The following UQCRC2 variants were observed in gnomAD, a reference collection of about 807,000 sequenced individuals.
UQCRC2 encodes the protein ubiquinol-cytochrome c reductase core protein 2, also known as cytochrome b-c1 complex subunit 2, mitochondrial.
In UQCRC2, 49 loss-of-function variants were observed where a neutral mutation model predicts 55.6. The ratio of observed to expected loss-of-function variants is 0.88; its 90% confidence interval spans 0.70 to 1.12. The LOEUF is 1.12. Among genes scored for constraint, UQCRC2 ranks in the 50% most tolerant of loss-of-function variants. The pLI is 0.00. For missense variants in UQCRC2, 506 were observed against 547.8 expected, an observed-to-expected ratio of 0.92 and a Z score of 0.76; for synonymous variants, 193 against 192.0, an observed-to-expected ratio of 1.01 and a Z score of -0.04.
rs67999727 is a variant in UQCRC2 at position 21,961,626 on chromosome 16, TTATATATATATATATATATATATATATA to T, written c.333-818_333-791del. On this transcript the variant is annotated intron_variant, in intron 4 of 13. Transcript: ENST00000268379. ...TGGTCAAATGTATATAACATAAAAT[TTATATATATATATATATATATATATATA>T]TATATATATATATATTTTAGACAGT... 9.3e-4 allele frequency among the ~76,000 whole-genome samples: 60 copies of T among 64,482 alleles called. 1 individual carries two copies. The highest frequency in any genetic ancestry group is 1.8e-3 in the Non-Finnish European group (42 of 23,516). 42.3% of individuals were successfully genotyped at this position (64,482 alleles called of 152,430 possible). A position where few individuals can be genotyped will look rare whatever the true frequency, so the allele number is the denominator to read the frequency against.
At chr16:21,976,092 A>T (rs1898578050) in intron 11 of UQCRC2, 75 bp from the exon 12 acceptor site, 2 of 988,504 alleles carry the variant, frequency 2.0e-6, no homozygotes, top group Non-Finnish European at 3.2e-6. Context: ...TTTTTGCCTC[A>T]GTAAAGAAGT....
chr16:21,953,579 C>T (rs921974299), intron 1 of UQCRC2, 123 bp downstream of exon 1: 1 of 1,291,442 alleles, frequency 7.7e-7, no homozygotes, highest in African/African-American at 1.5e-5. Context: ...CAGCTGAACC[C>T]TGCGGGCCAA....
chr16:21,971,661 C>T (rs573485610), intron 9 of UQCRC2, 41 bp downstream of exon 9: 11 of 1,582,336 alleles, frequency 7.0e-6, no homozygotes, highest in African/African-American at 2.7e-5. Context: ...ATCAGAAGGG[C>T]GTTTCCCCAC....
At position 21,958,635 on chromosome 16, in the gene UQCRC2, C is replaced by T. The variant is rs146172462; in HGVS notation, c.332+36C>T. On this transcript the variant is annotated intron_variant, in intron 4 of 13. Coordinates refer to ENST00000268379, the MANE Select transcript of UQCRC2 (RefSeq NM_003366.4). The stretch of plus-strand genomic sequence containing the variant: ...TAAGTAATAGAAAATAGTGAAAATG[C>T]CAGAAAATATTCAATTTTAAGGGAA... 2.1e-4 allele frequency: 322 copies of T among 1,561,304 alleles called. 1 individual carries two copies. In the African/African-American group the frequency reaches 3.8e-3, roughly 19 times the overall value.
chr16:21,958,430 G>A, intron 3 of UQCRC2, 105 bp from the exon 4 acceptor site: 1 of 999,734 alleles, frequency 1.0e-6, no homozygotes, highest in Non-Finnish European at 1.5e-6. Context: ...CAGGAATTTA[G>A]TAAAATTCTT....
At chr16:21,965,972 T>C (rs1898315801) in intron 7 of UQCRC2, among the ~76,000 whole-genome samples, 2 of 152,044 alleles carry the variant, frequency 1.3e-5, no homozygotes, top group South Asian at 4.1e-4. Flanking sequence ...GCATGAGCCA[T>C]TGCACCCAGC....
In UQCRC2 at chr16:21,957,564, C is replaced by T. The variant is rs1390774035; in HGVS notation, c.265C>T (p.Leu89=). ...TTHLLRLTSS[L]TTKGASSFKI... is the part of the protein sequence containing the mutation. ...CCATTTGCTGCGTCTTACATCCAGTCTGGTGAGTATCTTCACTTCCTCAAG... is the reference window on the plus strand; with the variant it reads ...CCATTTGCTGCGTCTTACATCCAGTTTGGTGAGTATCTTCACTTCCTCAAG... The change falls in exon 3 of 14, where the codon CTG becomes TTG. Residue 89 remains leucine (L), a splice_region_variant and synonymous_variant. Coordinates refer to ENST00000268379, the MANE Select transcript of UQCRC2 (RefSeq NM_003366.4). 1.2e-6 allele frequency: 2 copies of T among 1,613,960 alleles called. No individual in the cohort carries two copies. Among genetic ancestry groups the T allele is most frequent in the Admixed American group, 3.3e-5 (2 of 59,984 alleles).
At position 21,980,744 on chromosome 16, in the gene UQCRC2, C is replaced by A. The variant is rs373906900; in HGVS notation, c.1278+44C>A. On this transcript the variant is annotated intron_variant, in intron 13 of 13. Coordinates refer to ENST00000268379, the MANE Select transcript of UQCRC2 (RefSeq NM_003366.4). ...AACGATTTAACAACAGAGAACTTAACCTTAATGATCCAATTTCAGAAGGAT... is the reference window on the plus strand; with the variant it reads ...AACGATTTAACAACAGAGAACTTAAACTTAATGATCCAATTTCAGAAGGAT... The A allele has an allele frequency of 3.8e-4, 602 of 1,601,888 alleles. 6 individuals carry two copies. In the Middle Eastern group the frequency reaches 6.4e-3, roughly 17 times the overall value.
intron 4 of UQCRC2, chr16:21,959,364 C>T: frequency 3.6e-6 from 1 of 276,194 alleles, no homozygotes; most frequent in Non-Finnish European, 7.4e-6. Flanking sequence ...CAACCAGGAG[C>T]AGATTCTATC....
At chr16:21,980,788 A>T in intron 13 of UQCRC2, 88 bp downstream of exon 13, 1 of 1,499,162 alleles carries the variant, frequency 6.7e-7, no homozygotes, top group Middle Eastern at 2.2e-4. Flanking sequence ...GTCCTTGGGC[A>T]GTGTATTATT....
At chr16:21,979,284 C>A (rs1244933342) in intron 12 of UQCRC2, among the ~76,000 whole-genome samples, 1 of 152,146 alleles carries the variant, frequency 6.6e-6, no homozygotes, top group Non-Finnish European at 1.5e-5. Context: ...CCCCAACTTG[C>A]CATGGATCAA....
Position 21,962,811 on chromosome 16 carries a change from G to A in UQCRC2, c.440G>A (p.Arg147His), listed in dbSNP as rs140449590. 99 of 1,613,890 alleles carry A rather than the reference G, an allele frequency of 6.1e-5. 1 individual carries two copies. The highest frequency in any genetic ancestry group is 7.5e-5 in the Non-Finnish European group (89 of 1,180,008). ...AATGTCACCACAGCACCAGAATTTC[G>A]TCGTTGGGAAGTAGCTGACCTTCAG... ...LLNVTTAPEF[R>H]RWEVADLQPQ... The change falls in exon 6 of 14, where the codon CGT becomes CAT. Residue 147 changes from arginine to histidine, a missense_variant. By Grantham distance (29) the Arg-to-His change is conservative (BLOSUM62 0). Coordinates refer to ENST00000268379, the MANE Select transcript of UQCRC2 (RefSeq NM_003366.4).
At position 21,972,024 on chromosome 16, in the gene UQCRC2, C is replaced by A; in HGVS notation, c.868C>A (p.Gln290Lys). Residue 290 changes from glutamine to lysine, a missense_variant, in exon 10 of 14, where the codon CAG becomes AAG. By Grantham distance (53) the Gln-to-Lys change is moderately conservative. Coordinates refer to ENST00000268379, the MANE Select transcript of UQCRC2 (RefSeq NM_003366.4). ...SAEANAFSVL[Q>K]HVLGAGPHVK... ...AGAGGCAAATGCATTTAGTGTTCTT[C>A]AGCATGTCCTCGGTGCTGGGCCACA... 5 of 1,614,200 alleles carry A rather than the reference C, an allele frequency of 3.1e-6. No individual in the cohort carries two copies. Among genetic ancestry groups the A allele is most frequent in the Non-Finnish European group, 4.2e-6 (5 of 1,180,028 alleles).
chr16:21,973,800 C>T, intron 10 of UQCRC2, 96 bp from the exon 11 acceptor site: 1 of 1,042,926 alleles, frequency 9.6e-7, no homozygotes, highest in Non-Finnish European at 1.5e-6. Flanking sequence ...TTTGTTTATA[C>T]CGTGAAGGTC....
intron 1 of UQCRC2, among the ~76,000 whole-genome samples, chr16:21,954,196 T>C (rs1898055943): frequency 1.3e-5 from 2 of 152,144 alleles, no homozygotes; most frequent in South Asian, 4.1e-4. Context: ...CCGGTGGCGA[T>C]GTTTGGAGAC....
intron 6 of UQCRC2, chr16:21,963,098 C>T: frequency 2.4e-6 from 1 of 410,530 alleles, no homozygotes. Flanking sequence ...AAGCAATTCT[C>T]CTGCCTCAGC....
At chr16:21,974,101 A>G (rs1260890117) in intron 11 of UQCRC2, 125 bp downstream of exon 11, 3 of 774,858 alleles carry the variant, frequency 3.9e-6, no homozygotes, top group Admixed American at 3.1e-5. Context: ...AGCTCTGTAT[A>G]GTATGATGTC....
chr16:21,961,668 A>ATATATATT (rs1321053912), intron 4 of UQCRC2, among the ~76,000 whole-genome samples: 12 of 116,050 alleles, frequency 1.0e-4, no homozygotes, highest in Non-Finnish European at 2.1e-4. Context: ...ATATATATAT[A>ATATATATT]TTTTAGACAG....
chr16:21,979,799 T>C (rs1898672543), intron 12 of UQCRC2, among the ~76,000 whole-genome samples: 1 of 152,184 alleles, frequency 6.6e-6, no homozygotes, highest in Non-Finnish European at 1.5e-5. Flanking sequence ...TGTCAGTAAG[T>C]AATAGGAATC....
Sources: allele counts gnomAD v4.1 joint callset (sites outside exome capture counted in the v4.1 genomes callset), GRCh38; gene constraint gnomAD v4.1.1; transcripts MANE v1.5; gene names NCBI Gene and HGNC (gene_info 2026-07-23, HGNC 2026-07-21).